INTS4: variants seen among roughly 807,000 people sequenced by gnomAD.
INTS4 encodes MSTP093.
Under a neutral mutation model 119.5 loss-of-function variants are expected in INTS4, and 70 were observed. The ratio of observed to expected loss-of-function variants is 0.59; its 90% CI spans 0.48 to 0.71. INTS4 has a LOEUF of 0.71. Ranked by LOEUF, INTS4 falls within the 30% of genes least tolerant of loss-of-function variation. INTS4 has a pLI of 0.00. For missense variants in INTS4, 867 were observed against 1,173.2 expected, an observed-to-expected ratio of 0.74 and a Z score of 3.81; for synonymous variants, 316 against 419.6, an observed-to-expected ratio of 0.75 and a Z score of 3.02.
At chr11:77,929,018 T>G (rs1425439408) in intron 10 of INTS4, among the ~76,000 whole-genome samples, 1 of 126,702 alleles carries the variant, frequency 7.9e-6, no homozygotes, top group Non-Finnish European at 1.7e-5. Context: ...GGCCCCTGTC[T>G]CAAAAAAAAA....
chr11:77,972,212 T>G lies in INTS4; in HGVS notation c.471+6784A>C, dbSNP rs1855760120. Among the ~76,000 whole-genome samples the G allele has an allele frequency of 2.0e-5, 3 of 152,150 alleles. No homozygotes were observed. The South Asian group carries it at 6.2e-4, about 32-fold the overall frequency. On this transcript the variant is annotated intron_variant, in intron 4 of 22. Coordinates refer to ENST00000534064, the MANE Select transcript of INTS4 (RefSeq NM_033547.4). Reference sequence around the variant, plus strand: ...CTCCCAGGCTTAAGCAATCCTCCCATCTCAGCCTCCCAACTAGCTGAGACT... The same window carrying G: ...CTCCCAGGCTTAAGCAATCCTCCCAGCTCAGCCTCCCAACTAGCTGAGACT...
chr11:77,941,676 T>C (rs1222780658), intron 8 of INTS4, among the ~76,000 whole-genome samples: 1 of 152,106 alleles, frequency 6.6e-6, no homozygotes, highest in Non-Finnish European at 1.5e-5. Context: ...TTTTTGGATT[T>C]GTAATTTTTA....
chr11:77,948,782 T>A (rs1231444665), intron 8 of INTS4, among the ~76,000 whole-genome samples: 2 of 136,086 alleles, frequency 1.5e-5, no homozygotes, highest in African/African-American at 2.7e-5. Context: ...ACACCCTGTC[T>A]CAAAGAAAGA....
intron 10 of INTS4, among the ~76,000 whole-genome samples, chr11:77,929,744 G>A (rs533629816): frequency 6.6e-6 from 1 of 152,272 alleles, no homozygotes; most frequent in African/African-American, 2.4e-5. Flanking sequence ...AAGTTGGAGG[G>A]TGATCTTGAA....
chr11:77,918,877 A>T lies in INTS4; in HGVS notation c.1866T>A (p.Tyr622Ter). The T allele has an allele frequency of 2.5e-6, 4 of 1,613,890 alleles. No individual in the cohort carries two copies. The highest frequency in any genetic ancestry group is 3.4e-6 in the Non-Finnish European group (4 of 1,179,862). The change falls in exon 15 of 23, where the codon TAT (tyrosine) becomes TAA (stop). Residue 622 changes from tyrosine to a stop codon, truncating the protein, a stop_gained. Transcript: ENST00000534064. LOFTEE classifies it high-confidence loss of function. ...CCTGAGGGTCCAAGTGCTGAAGACT[A>T]TACACTCTTTCAAGGCTCTGCTGCA... The part of the protein sequence containing the change: ...QFLQQSLERV[Y>*]SLQHLDPQGA...
At chr11:77,900,334 C>T (rs1366264107) in intron 18 of INTS4, among the ~76,000 whole-genome samples, 3 of 152,098 alleles carry the variant, frequency 2.0e-5, no homozygotes, top group Non-Finnish European at 4.4e-5. Flanking sequence ...CTCCTGACCT[C>T]GTGATCTGCC....
At chr11:77,939,768 C>T (rs1358067400) in intron 9 of INTS4, among the ~76,000 whole-genome samples, 2 of 151,052 alleles carry the variant, frequency 1.3e-5, no homozygotes, top group Non-Finnish European at 3.0e-5. Context: ...TCACTTGAGC[C>T]CGGGAGGCAG....
At chr11:77,944,972 T>C (rs1476894712) in intron 8 of INTS4, among the ~76,000 whole-genome samples, 1 of 152,094 alleles carries the variant, frequency 6.6e-6, no homozygotes, top group Non-Finnish European at 1.5e-5. Context: ...CTGGCACATA[T>C]CACCCACAAC....
chr11:77,959,374 C>T (rs1954408298), intron 6 of INTS4, among the ~76,000 whole-genome samples: 1 of 152,134 alleles, frequency 6.6e-6, no homozygotes, highest in African/African-American at 2.4e-5. Flanking sequence ...TCCCATCAAA[C>T]TTTTATACTC....
chr11:77,950,479 T>C (rs1954163964), intron 8 of INTS4, among the ~76,000 whole-genome samples: 1 of 151,948 alleles, frequency 6.6e-6, no homozygotes, highest in African/African-American at 2.4e-5. Flanking sequence ...AAAGTCACAA[T>C]GAAGAGAAAT....
chr11:77,979,494 C>A (rs1166274290), intron 3 of INTS4, among the ~76,000 whole-genome samples: 3 of 151,272 alleles, frequency 2.0e-5, no homozygotes, highest in Non-Finnish European at 3.0e-5. Context: ...GAAAAAAAAA[C>A]AGACTTTTGT....
chr11:77,970,221 A>AC (rs1352753680), intron 4 of INTS4, among the ~76,000 whole-genome samples: 2 of 151,838 alleles, frequency 1.3e-5, no homozygotes, highest in Non-Finnish European at 2.9e-5. Context: ...ACATGGTGAA[A>AC]CCCCATCTCT....
At chr11:77,902,984 G>A (rs185649303) in intron 17 of INTS4, among the ~76,000 whole-genome samples, 18 of 152,268 alleles carry the variant, frequency 1.2e-4, no homozygotes, top group African/African-American at 1.7e-4. Context: ...TGGCCAGGCC[G>A]GTCTCAAACT....
intron 2 of INTS4, among the ~76,000 whole-genome samples, chr11:77,981,827 T>C (rs1174133308): frequency 1.3e-5 from 2 of 152,020 alleles, no homozygotes; most frequent in East Asian, 3.9e-4. Flanking sequence ...CAGTGCGTGA[T>C]CTTGGCTCAA....
intron 16 of INTS4, among the ~76,000 whole-genome samples, chr11:77,907,123 G>T (rs1301252661): frequency 6.6e-6 from 1 of 152,072 alleles, no homozygotes; most frequent in Non-Finnish European, 1.5e-5. Context: ...CAGGATCTTG[G>T]TCTGTCATCC....
chr11:77,876,694 T>C (rs79980870), downstream of INTS4, among the ~76,000 whole-genome samples: 2,762 of 152,216 alleles, frequency 0.018, 86 homozygotes, highest in African/African-American at 0.063. Context: ...CCTTAGTGCA[T>C]GTCTACCTTT....
At chr11:77,984,089 A>G (rs1393722503) in intron 2 of INTS4, among the ~76,000 whole-genome samples, 1 of 152,238 alleles carries the variant, frequency 6.6e-6, no homozygotes, top group African/African-American at 2.4e-5. Context: ...TAACACATGG[A>G]TAAACCTAGA....
intron 10 of INTS4, among the ~76,000 whole-genome samples, chr11:77,934,846 TGATAA>T (rs1350349154): frequency 8.5e-5 from 13 of 152,212 alleles, no homozygotes; most frequent in Admixed American, 8.5e-4. Flanking sequence ...TTAGAACAAA[TGATAA>T]GATAACCCAA....
rs75212534 is a variant in INTS4 at position 77,961,670 on chromosome 11, T to C, written c.472-532A>G. Among the ~76,000 whole-genome samples, 45 of 152,294 alleles carry C rather than the reference T, an allele frequency of 3.0e-4. No individual in the cohort carries two copies. In the East Asian group the frequency reaches 8.3e-3, roughly 28 times the overall value. On this transcript the variant is annotated intron_variant, in intron 4 of 22. Transcript: ENST00000534064. The stretch of plus-strand genomic sequence containing the variant: ...TCACCACATCACCACCAAAAATAGC[T>C]ACTATCCTGACTTCTAACACACAGG...
Sources: gnomAD v4.1 joint callset for allele counts (sites outside exome capture counted in the v4.1 genomes callset) on GRCh38, gnomAD v4.1.1 for gene constraint, MANE v1.5 for transcripts, NCBI Gene and HGNC (gene_info 2026-07-23, HGNC 2026-07-21) for gene names.